PDE10A: variants seen among roughly 807,000 people sequenced by gnomAD.
PDE10A encodes phosphodiesterase 10A.
A neutral mutation model predicts 97.7 loss-of-function variants in PDE10A; 39 were observed. The ratio of observed to expected loss-of-function variants is 0.40; its 90% CI spans 0.31 to 0.52. The LOEUF (loss-of-function observed/expected upper bound fraction) is 0.52. Among genes scored for constraint, PDE10A ranks in the 20% least tolerant of loss-of-function variants. The probability of loss-of-function intolerance (pLI) is 0.56; values close to 1 mark genes in which losing one functional copy is unlikely to be tolerated. For missense variants in PDE10A, 731 were observed against 1,047.8 expected (o/e 0.70, Z 4.17); for synonymous variants, 371 against 376.8 (o/e 0.98, Z 0.18).
At chr6:165,952,585 G>A (rs755092062) in intron 1 of PDE10A, among the ~76,000 whole-genome samples, 2 of 152,170 alleles carry the variant, frequency 1.3e-5, no homozygotes, top group Non-Finnish European at 2.9e-5. Context: ...CTTCTTTTAA[G>A]AAATGGAGAA....
intron 1 of PDE10A, among the ~76,000 whole-genome samples, chr6:165,593,990 C>T (rs1034783010): frequency 2.6e-5 from 4 of 152,166 alleles, no homozygotes; most frequent in African/African-American, 7.2e-5. Context: ...ACTTTCTATG[C>T]CAATTACTTT....
At position 165,332,016 on chromosome 6, in the gene PDE10A, G is replaced by A. The variant is rs1781371111; in HGVS notation, c.*1009C>T. ...AAAATTACAAAATACACTTTTTATG[G>A]TTTGATGTTTAAAAGAGAACTGTAT... On this transcript the variant is annotated 3_prime_UTR_variant, in exon 22 of 22. Transcript: ENST00000539869. 2 of 152,102 alleles carry A rather than the reference G, an allele frequency of 1.3e-5. No individual in the cohort carries two copies. The highest frequency in any genetic ancestry group is 2.4e-5 in the African/African-American group (1 of 41,412). The allele number at this position is 152,102 out of a possible 1,614,324, so 9.4% of individuals were successfully genotyped here.
At chr6:165,782,516 G>A (rs1778371108) in intron 1 of PDE10A, among the ~76,000 whole-genome samples, 1 of 152,354 alleles carries the variant, frequency 6.6e-6, no homozygotes, top group Non-Finnish European at 1.5e-5. Context: ...TACATCCAGA[G>A]TTAGAGATCA....
intron 1 of PDE10A, among the ~76,000 whole-genome samples, chr6:165,747,714 C>T (rs759367440): frequency 1.3e-5 from 2 of 152,124 alleles, no homozygotes; most frequent in Non-Finnish European, 2.9e-5. Context: ...ATGTGGCCGC[C>T]TGGCATGGGA....
intron 1 of PDE10A, among the ~76,000 whole-genome samples, chr6:165,966,409 G>A (rs1009408150): frequency 1.3e-5 from 2 of 152,150 alleles, no homozygotes; most frequent in African/African-American, 2.4e-5. Context: ...CATGTGTCTC[G>A]CTGTAGCCTA....
intron 1 of PDE10A, among the ~76,000 whole-genome samples, chr6:165,548,302 T>TA (rs1562570448): frequency 7.0e-6 from 1 of 142,630 alleles, no homozygotes; most frequent in Non-Finnish European, 1.5e-5. Context: ...TTTTTTTTTT[T>TA]ACTGCTTGTT....
chr6:165,818,842 G>C (rs1779488559), intron 1 of PDE10A, among the ~76,000 whole-genome samples: 1 of 152,146 alleles, frequency 6.6e-6, no homozygotes. Flanking sequence ...ATTAAACCCT[G>C]CTTACTTCAG....
intron 2 of PDE10A, among the ~76,000 whole-genome samples, chr6:165,503,369 T>A (rs1052451566): frequency 6.6e-6 from 1 of 152,324 alleles, no homozygotes; most frequent in Non-Finnish European, 1.5e-5. Flanking sequence ...TGCAGCGGGC[T>A]GGATGGCAAG....
At chr6:165,922,057 T>C (rs867121728) in intron 1 of PDE10A, among the ~76,000 whole-genome samples, 79 of 152,200 alleles carry the variant, frequency 5.2e-4, no homozygotes, top group African/African-American at 1.8e-3. Flanking sequence ...AGACATATCT[T>C]GAAGATTATA....
chr6:165,799,451 CA>C (rs34191097), intron 1 of PDE10A, among the ~76,000 whole-genome samples: 28,392 of 152,034 alleles, frequency 0.19, 2,726 homozygotes, highest in African/African-American at 0.22. Flanking sequence ...AAGCAAGTAA[CA>C]ATAAAGTTCT....
At chr6:165,751,294 C>T (rs1356740441) in intron 1 of PDE10A, among the ~76,000 whole-genome samples, 3 of 152,200 alleles carry the variant, frequency 2.0e-5, no homozygotes, top group Admixed American at 6.5e-5. Flanking sequence ...TCTGCTTTTG[C>T]ACCTCCAGAG....
chr6:165,485,470 A>AAAAAT (rs1554271353), intron 2 of PDE10A, among the ~76,000 whole-genome samples: 1 of 88,260 alleles, frequency 1.1e-5, no homozygotes, highest in African/African-American at 5.2e-5. Context: ...TCTGTCTCAA[A>AAAAAT]AAAAAAAAAA....
At chr6:165,678,591 A>C (rs576917385) in intron 1 of PDE10A, among the ~76,000 whole-genome samples, 1 of 151,978 alleles carries the variant, frequency 6.6e-6, no homozygotes, top group Non-Finnish European at 1.5e-5. Flanking sequence ...CCGCTTGGAA[A>C]CAGTTTTCCC....
At chr6:165,857,896 T>A (rs760211330) in intron 1 of PDE10A, among the ~76,000 whole-genome samples, 2 of 152,148 alleles carry the variant, frequency 1.3e-5, no homozygotes, top group Non-Finnish European at 2.9e-5. Flanking sequence ...ACATGCACAA[T>A]TACAAACAAA....
At chr6:165,530,689 C>T (rs963818675) in intron 2 of PDE10A, among the ~76,000 whole-genome samples, 14 of 152,032 alleles carry the variant, frequency 9.2e-5, no homozygotes, top group African/African-American at 3.4e-4. Flanking sequence ...GCTCCACAAA[C>T]GTAATATAGA....
chr6:165,527,634 G>A (rs533786588), intron 2 of PDE10A, among the ~76,000 whole-genome samples: 3 of 152,288 alleles, frequency 2.0e-5, no homozygotes, highest in African/African-American at 7.2e-5. Flanking sequence ...TCATGAACTG[G>A]GTGTTTTCTG....
intron 1 of PDE10A, among the ~76,000 whole-genome samples, chr6:165,862,175 G>T (rs1294218967): frequency 6.6e-6 from 1 of 152,190 alleles, no homozygotes; most frequent in Non-Finnish European, 1.5e-5. Context: ...TATTAACTGA[G>T]ATACATGATT....
intron 1 of PDE10A, among the ~76,000 whole-genome samples, chr6:165,943,318 G>A (rs376386401): frequency 0.052 from 3,442 of 66,374 alleles, 739 homozygotes; most frequent in African/African-American, 0.17. Flanking sequence ...AAGGAAGGAA[G>A]GAAAGAAAGA....
At chr6:165,800,384 A>G (rs887090646) in intron 1 of PDE10A, among the ~76,000 whole-genome samples, 7 of 152,212 alleles carry the variant, frequency 4.6e-5, no homozygotes, top group South Asian at 2.1e-4. Context: ...AAAGGCCTCC[A>G]TGTGAGATGT....
Sources: allele counts gnomAD v4.1 joint callset (sites outside exome capture counted in the v4.1 genomes callset), GRCh38; gene constraint gnomAD v4.1.1; transcripts MANE v1.5; gene names NCBI Gene and HGNC (gene_info 2026-07-23, HGNC 2026-07-21).